ELMO1: variants seen among roughly 807,000 people sequenced by gnomAD.
ELMO1 encodes engulfment and cell motility 1.
In ELMO1, 26 loss-of-function variants were observed where a neutral mutation model predicts 98.9. The observed-to-expected ratio is 0.26, with a 90% confidence interval of 0.19 to 0.36. The LOEUF (loss-of-function observed/expected upper bound fraction) is 0.36, where lower values mean the gene tolerates loss of function less well. Among genes scored for constraint, ELMO1 ranks in the 10% least tolerant of loss-of-function variants. ELMO1 has a pLI of 1.00. For missense variants in ELMO1, 627 were observed against 935.2 expected (o/e 0.67, Z 4.30); for synonymous variants, 346 against 346.0 (o/e 1.00, Z 0.00).
intron 16 of ELMO1, among the ~76,000 whole-genome samples, chr7:36,949,368 A>G (rs1045876626): frequency 2.4e-4 from 37 of 152,052 alleles, no homozygotes; most frequent in African/African-American, 8.7e-4. Context: ...AGACTCACAC[A>G]AGAGCTGAAA....
At chr7:37,290,802 A>C (rs1288683461) in intron 4 of ELMO1, among the ~76,000 whole-genome samples, 1 of 152,224 alleles carries the variant, frequency 6.6e-6, no homozygotes, top group African/African-American at 2.4e-5. Flanking sequence ...TTTGACAAGC[A>C]TATGCTAAAA....
intron 13 of ELMO1, among the ~76,000 whole-genome samples, chr7:37,207,879 A>C (rs1792729812): frequency 6.6e-6 from 1 of 152,186 alleles, no homozygotes; most frequent in African/African-American, 2.4e-5. Context: ...AGATCTCAGA[A>C]GATGAAGCAG....
At chr7:37,251,632 T>A in intron 6 of ELMO1, among the ~76,000 whole-genome samples, 1 of 152,188 alleles carries the variant, frequency 6.6e-6, no homozygotes, top group East Asian at 1.9e-4. Context: ...TCATACTGAA[T>A]GAGCAAAAGC....
chr7:37,133,072 T>C (rs776344495), intron 14 of ELMO1, 58 bp downstream of exon 14: 1 of 1,404,986 alleles, frequency 7.1e-7, no homozygotes, highest in Non-Finnish European at 9.8e-7. Flanking sequence ...TATTTGTGAG[T>C]TTGAAATTAA....
chr7:37,126,973 C>G lies in ELMO1; in HGVS notation c.1191+6157G>C, dbSNP rs141494233. ...ATAATAGAAACATCTCATTTGCATG[C>G]ATTCGGATTTTATTGTTGGGCGTTA... On this transcript the variant is annotated intron_variant, in intron 14 of 21. Transcript: ENST00000310758. Among the ~76,000 whole-genome samples the G allele has an allele frequency of 9.3e-4, 142 of 152,232 alleles. 1 individual carries two copies. Among genetic ancestry groups the G allele is most frequent in the African/African-American group, 3.2e-3 (135 of 41,542 alleles).
At chr7:36,860,929 AG>A (rs1802580783) in intron 21 of ELMO1, among the ~76,000 whole-genome samples, 1 of 152,236 alleles carries the variant, frequency 6.6e-6, no homozygotes, top group East Asian at 1.9e-4. Flanking sequence ...GGGGAACAAA[AG>A]TCAGATTCTA....
chr7:37,374,845 G>A (rs1258646043), intron 1 of ELMO1, among the ~76,000 whole-genome samples: 2 of 152,112 alleles, frequency 1.3e-5, no homozygotes, highest in African/African-American at 4.8e-5. Context: ...GGTGGATCAT[G>A]AGGTCAGGAA....
chr7:37,269,125 C>G (rs1796423469), intron 5 of ELMO1, among the ~76,000 whole-genome samples: 1 of 152,164 alleles, frequency 6.6e-6, no homozygotes, highest in African/African-American at 2.4e-5. Flanking sequence ...TAAAAATGAA[C>G]AAGCATATGC....
At chr7:37,360,752 T>C (rs1801670626) in intron 1 of ELMO1, among the ~76,000 whole-genome samples, 1 of 152,238 alleles carries the variant, frequency 6.6e-6, no homozygotes, top group African/African-American at 2.4e-5. Context: ...CTCTGCCCCC[T>C]TATCAGTAAG....
chr7:37,263,459 C>T (rs1441130614), intron 5 of ELMO1, among the ~76,000 whole-genome samples: 1 of 152,124 alleles, frequency 6.6e-6, no homozygotes, highest in African/African-American at 2.4e-5. Context: ...TGGGGCTCAC[C>T]CACCTTGGTG....
At chr7:37,287,144 G>A (rs1034658232) in intron 4 of ELMO1, among the ~76,000 whole-genome samples, 1 of 149,146 alleles carries the variant, frequency 6.7e-6, no homozygotes, top group African/African-American at 2.5e-5. Flanking sequence ...AATGAGCCGA[G>A]ATCACGCCAC....
At chr7:37,097,516 G>A (rs1186517610) in intron 14 of ELMO1, among the ~76,000 whole-genome samples, 24 of 151,964 alleles carry the variant, frequency 1.6e-4, no homozygotes, top group Admixed American at 1.2e-3. Flanking sequence ...CCCGGGAAGC[G>A]GAGGTTGCAG....
chr7:37,233,028 A>G (rs1008483113), intron 8 of ELMO1, 67 bp downstream of exon 8: 35 of 1,350,402 alleles, frequency 2.6e-5, no homozygotes, highest in Non-Finnish European at 3.4e-5. Flanking sequence ...AAACATCCTC[A>G]AAGCAGAGAA....
intron 4 of ELMO1, among the ~76,000 whole-genome samples, chr7:37,301,556 CCA>C (rs1199472883): frequency 7.8e-6 from 1 of 127,554 alleles, no homozygotes; most frequent in African/African-American, 2.9e-5. Context: ...GTTCACCCAC[CCA>C]CCCACCCCTC....
intron 7 of ELMO1, among the ~76,000 whole-genome samples, chr7:37,240,297 C>A (rs1794696211): frequency 6.6e-6 from 1 of 151,950 alleles, no homozygotes; most frequent in Non-Finnish European, 1.5e-5. Flanking sequence ...CCTTGGCCTC[C>A]CCAAGTGCTA....
chr7:37,339,745 C>CTAGGTTTCCATATGTGATTAA (rs1387474572), intron 2 of ELMO1, among the ~76,000 whole-genome samples: 2 of 152,202 alleles, frequency 1.3e-5, no homozygotes, highest in East Asian at 3.9e-4. Flanking sequence ...AATTGCCCGT[C>CTAGGTTTCCATATGTGATTAA]TAGGTTTCCA....
chr7:37,369,314 T>C (rs1802022126), intron 1 of ELMO1, among the ~76,000 whole-genome samples: 2 of 152,204 alleles, frequency 1.3e-5, no homozygotes, highest in African/African-American at 2.4e-5. Context: ...ATTTGCATTA[T>C]ACCTACTGGC....
chr7:37,086,765 A>AAAAAAAAG (rs1491293564), intron 15 of ELMO1, among the ~76,000 whole-genome samples: 2,513 of 141,986 alleles, frequency 0.018, 54 homozygotes, highest in Non-Finnish European at 0.027. Flanking sequence ...AAAAAAAAAA[A>AAAAAAAAG]GAAATCTTTG....
chr7:37,007,484 G>A lies in ELMO1; in HGVS notation c.1437+5815C>T, dbSNP rs373992156. On this transcript the variant is annotated intron_variant, in intron 16 of 21. Transcript: ENST00000310758. ...CAGTCACCTGCCTCACGCAAATGAG[G>A]AGACTCATGTTTATTCATGATGAGA... 4.6e-5 allele frequency among the ~76,000 whole-genome samples: 7 copies of A among 152,286 alleles called. No individual in the cohort carries two copies. In the East Asian group the frequency reaches 7.7e-4, roughly 17 times the overall value.
Sources: gnomAD v4.1 joint callset for allele counts (sites outside exome capture counted in the v4.1 genomes callset) on GRCh38, gnomAD v4.1.1 for gene constraint, MANE v1.5 for transcripts, NCBI Gene and HGNC (gene_info 2026-07-23, HGNC 2026-07-21) for gene names.